USH2A: variants seen among roughly 807,000 people sequenced by gnomAD.
USH2A encodes the protein usherin.
Under a neutral mutation model 538.9 loss-of-function variants are expected in USH2A, and 443 were observed. The ratio of observed to expected loss-of-function variants is 0.82; its 90% CI spans 0.76 to 0.89. The LOEUF (loss-of-function observed/expected upper bound fraction) is 0.89, where lower values mean the gene tolerates loss of function less well. Among genes scored for constraint, USH2A ranks in the 40% least tolerant of loss-of-function variants. The probability of loss-of-function intolerance (pLI) is 0.00; values close to 1 mark genes in which losing one functional copy is unlikely to be tolerated. For synonymous variants in USH2A, 2,413 were observed against 2,273.5 expected (o/e 1.06, Z -1.75); for missense variants, 6,633 against 6,324.8 (o/e 1.05, Z -1.65).
chr1:216,241,495 C>G (rs1394021118), intron 13 of USH2A, among the ~76,000 whole-genome samples: 1 of 151,616 alleles, frequency 6.6e-6, no homozygotes, highest in African/African-American at 2.4e-5. Flanking sequence ...CTTTTCCTGG[C>G]TCTTTTTTTG....
rs1232698329 is a variant in USH2A, at chr1:216,199,636, C to T, written c.3802G>A (p.Glu1268Lys). 1 of 1,613,958 alleles carries T rather than the reference C, an allele frequency of 6.2e-7. No individual in the cohort carries two copies. The part of the protein sequence containing the change: ...ELHVEWSPPA[E>K]LNGIIIRYEL... ...AGCCTTGGATTCTTACCATTTAGTT[C>T]CGCTGGTGGAGACCATTCTACATGA... is the stretch of plus-strand genomic sequence containing the variant. Residue 1268 changes from glutamate (E) to lysine (K), a missense_variant, in exon 17 of 72, where the codon GAA becomes AAA. Coordinates refer to ENST00000307340, the MANE Select transcript of USH2A (RefSeq NM_206933.4).
intron 21 of USH2A, among the ~76,000 whole-genome samples, chr1:216,144,560 G>A (rs2033659344): frequency 6.6e-6 from 1 of 152,118 alleles, no homozygotes; most frequent in Admixed American, 6.6e-5. Context: ...GGAATTTTGG[G>A]AAGGCTCTAA....
chr1:215,841,124 G>A (rs1663665840), intron 46 of USH2A, among the ~76,000 whole-genome samples: 1 of 152,060 alleles, frequency 6.6e-6, no homozygotes, highest in Non-Finnish European at 1.5e-5. Context: ...ATTGCTCAAA[G>A]TAATTAATAG....
chr1:215,694,699 T>G (rs1415466488), intron 61 of USH2A, among the ~76,000 whole-genome samples: 3 of 152,222 alleles, frequency 2.0e-5, no homozygotes, highest in African/African-American at 7.2e-5. Flanking sequence ...GATCTTATAC[T>G]CTAGTGTATC....
intron 21 of USH2A, among the ~76,000 whole-genome samples, chr1:216,120,072 A>AT (rs929831930): frequency 4.6e-5 from 7 of 151,978 alleles, no homozygotes; most frequent in East Asian, 1.9e-4. Context: ...GCAGATACAT[A>AT]TTTTTTTCAG....
chr1:216,366,843 T>C (rs2038609654), intron 3 of USH2A, among the ~76,000 whole-genome samples: 1 of 152,148 alleles, frequency 6.6e-6, no homozygotes, highest in Non-Finnish European at 1.5e-5. Context: ...TTCCGCTTTG[T>C]TGGGTAGTAG....
intron 4 of USH2A, among the ~76,000 whole-genome samples, chr1:216,358,857 C>T (rs1322453049): frequency 1.3e-5 from 2 of 152,088 alleles, no homozygotes; most frequent in Admixed American, 6.6e-5. Flanking sequence ...TCAGTTCACA[C>T]TGTTCTTTTG....
At chr1:216,105,937 C>T (rs1447183628) in intron 21 of USH2A, among the ~76,000 whole-genome samples, 1 of 151,558 alleles carries the variant, frequency 6.6e-6, no homozygotes, top group East Asian at 1.9e-4. Flanking sequence ...ACATTGTATT[C>T]TGCAATCTTT....
chr1:216,070,441 T>A, intron 29 of USH2A, 149 bp from the exon 30 acceptor site: 1 of 762,926 alleles, frequency 1.3e-6, no homozygotes, highest in Non-Finnish European at 2.2e-6. Context: ...AGCATTGATT[T>A]AATATGACTG....
intron 4 of USH2A, among the ~76,000 whole-genome samples, chr1:216,330,821 T>A (rs1053738173): frequency 1.3e-5 from 2 of 151,946 alleles, no homozygotes; most frequent in Admixed American, 6.6e-5. Flanking sequence ...TAGGAGGATA[T>A]TACAGTCATA....
At chr1:216,235,509 ATG>A (rs899003515) in intron 13 of USH2A, among the ~76,000 whole-genome samples, 33 of 152,214 alleles carry the variant, frequency 2.2e-4, no homozygotes, top group African/African-American at 7.7e-4. Context: ...GTGGAAAAAA[ATG>A]TATCATCCAG....
In USH2A at chr1:216,059,187, T is replaced by TAC. The variant is rs2031088280; in HGVS notation, c.6050-10541_6050-10540insGT. Reference sequence around the variant, plus strand: ...TACATAACATACACATATACATACATATATAGAGTAGCATTTTAATTTAAT... The same window carrying TAC: ...TACATAACATACACATATACATACATACATATAGAGTAGCATTTTAATTTAAT... On this transcript the variant is annotated intron_variant, in intron 30 of 71. Transcript: ENST00000307340. Among the ~76,000 whole-genome samples, 3 of 152,198 alleles carry TAC rather than the reference T, an allele frequency of 2.0e-5. No homozygotes were observed. The South Asian group carries it at 6.2e-4, about 32-fold the overall frequency.
In USH2A at chr1:215,759,742, A is replaced by G. The variant is rs777677207; in HGVS notation, c.11149T>C (p.Leu3717=). ...AAAAGCAAGTTTCCATTACGACTCA[A>G]TTGATATTGAGAAACGAGGCCATTG... ...KPNGLVSQYQ[L]SRNGNLLFLG... Residue 3717 remains leucine (L), a synonymous_variant, in exon 57 of 72, where the codon TTG becomes CTG. Coordinates refer to ENST00000307340, the MANE Select transcript of USH2A (RefSeq NM_206933.4). 6.2e-7 allele frequency: 1 copy of G among 1,614,024 alleles called. No individual in the cohort carries two copies. Among genetic ancestry groups the G allele is most frequent in the Non-Finnish European group, 8.5e-7 (1 of 1,179,950 alleles).
intron 13 of USH2A, among the ~76,000 whole-genome samples, chr1:216,238,176 G>T (rs191626891): frequency 6.6e-6 from 1 of 152,278 alleles, no homozygotes; most frequent in East Asian, 1.9e-4. Flanking sequence ...AATACTAGGG[G>T]GAAGCAGGAG....
At chr1:215,668,722 T>C (rs1232545329) in intron 64 of USH2A, among the ~76,000 whole-genome samples, 1 of 152,184 alleles carries the variant, frequency 6.6e-6, no homozygotes, top group Non-Finnish European at 1.5e-5. Flanking sequence ...TGCTTGGAGC[T>C]TTCCATTCCA....
intron 40 of USH2A, among the ~76,000 whole-genome samples, chr1:215,889,630 T>C (rs374840579): frequency 1.3e-5 from 2 of 152,328 alleles, no homozygotes; most frequent in South Asian, 4.1e-4. Context: ...AAGCTGCCGA[T>C]TTAGCTCTTT....
intron 11 of USH2A, among the ~76,000 whole-genome samples, chr1:216,271,621 T>C (rs2036578558): frequency 1.3e-5 from 2 of 152,246 alleles, no homozygotes; most frequent in African/African-American, 4.8e-5. Context: ...AAATTTAACA[T>C]TTATTGTTAA....
chr1:216,142,215 C>T (rs1451098137), intron 21 of USH2A, among the ~76,000 whole-genome samples: 1 of 152,178 alleles, frequency 6.6e-6, no homozygotes, highest in African/African-American at 2.4e-5. Flanking sequence ...TGTGTCTCCA[C>T]CTCTAGGTAA....
At chr1:216,085,121 G>A in intron 24 of USH2A, 1 of 463,846 alleles carries the variant, frequency 2.2e-6, no homozygotes, top group South Asian at 2.9e-5. Flanking sequence ...AGAAACCTTG[G>A]TTTTGCAGTA....
Sources: allele counts gnomAD v4.1 joint callset (sites outside exome capture counted in the v4.1 genomes callset), GRCh38; gene constraint gnomAD v4.1.1; transcripts MANE v1.5; gene names NCBI Gene and HGNC (gene_info 2026-07-23, HGNC 2026-07-21).